Variants in CREB3L2 observed in about 807,000 individuals in gnomAD.
CREB3L2 encodes the protein cyclic AMP-responsive element-binding protein 3-like protein 2.
CREB3L2 carries 23 observed loss-of-function variants against 57.2 expected under a neutral mutation model. The observed-to-expected ratio is 0.40, with a 90% CI of 0.29 to 0.57. The LOEUF is 0.57. Among genes scored for constraint, CREB3L2 ranks in the 20% least tolerant of loss-of-function variants. The probability of loss-of-function intolerance (pLI) is 0.42; values close to 1 mark genes in which losing one functional copy is unlikely to be tolerated. For missense variants in CREB3L2, 628 were observed against 634.7 expected, an observed-to-expected ratio of 0.99 and a Z score of 0.11; for synonymous variants, 268 against 265.1, an observed-to-expected ratio of 1.01 and a Z score of -0.11.
intron 1 of CREB3L2, among the ~76,000 whole-genome samples, chr7:137,963,425 C>G (rs940984186): frequency 1.3e-5 from 2 of 152,214 alleles, no homozygotes; most frequent in African/African-American, 4.8e-5. Flanking sequence ...GCACCTCGTA[C>G]TTGACTTTGT....
intron 8 of CREB3L2, among the ~76,000 whole-genome samples, chr7:137,890,525 A>C (rs1187249414): frequency 3.3e-5 from 5 of 152,202 alleles, no homozygotes; most frequent in Admixed American, 3.3e-4. Flanking sequence ...TAATCAAGTT[A>C]AGTTCTGAGT....
Position 137,913,515 on chromosome 7 carries a change from A to G in CREB3L2, c.496-437T>C, listed in dbSNP as rs1800060799. 1.4e-4 allele frequency among the ~76,000 whole-genome samples: 21 copies of G among 151,734 alleles called. No individual in the cohort carries two copies. The South Asian group carries it at 4.4e-3, about 32-fold the overall frequency. ...GAGTGAGACCCTATCTCAAAAAAAA[A>G]AAAAAAGAAAAAAGAAAAAAAAAGA... On this transcript the variant is annotated intron_variant, in intron 3 of 11. Coordinates refer to ENST00000330387, the MANE Select transcript of CREB3L2 (RefSeq NM_194071.4).
chr7:137,993,668 G>T (rs925180438), intron 1 of CREB3L2, among the ~76,000 whole-genome samples: 1 of 152,038 alleles, frequency 6.6e-6, no homozygotes, highest in African/African-American at 2.4e-5. Context: ...TACAAGCATG[G>T]GCTACCACGT....
intron 1 of CREB3L2, among the ~76,000 whole-genome samples, chr7:137,947,545 C>T (rs182292897): frequency 5.3e-5 from 8 of 152,172 alleles, no homozygotes; most frequent in Non-Finnish European, 8.8e-5. Context: ...GTCTTGATCC[C>T]GCCATTTGCC....
intron 10 of CREB3L2, among the ~76,000 whole-genome samples, 169 bp from the exon 11 acceptor site, chr7:137,882,797 CG>C (rs1318719161): frequency 6.6e-6 from 1 of 152,146 alleles, no homozygotes; most frequent in Non-Finnish European, 1.5e-5. Flanking sequence ...TTTAGAGCTT[CG>C]GAGTTTGTGC....
chr7:137,906,107 G>A (rs577555595), intron 5 of CREB3L2, among the ~76,000 whole-genome samples: 2 of 152,202 alleles, frequency 1.3e-5, no homozygotes, highest in Non-Finnish European at 2.9e-5. Context: ...ATTATTTCCC[G>A]GGAAGCACCC....
In CREB3L2 at chr7:137,982,746, A is replaced by G. The variant is rs1335317528; in HGVS notation, c.102+18858T>C. On this transcript the variant is annotated intron_variant, in intron 1 of 11. Transcript: ENST00000330387. ...GTATGTCTTTATCAGCAGCATGAGA[A>G]CGGACTAATACACCTGCAAATTCAT... is the stretch of plus-strand genomic sequence containing the variant. Among the ~76,000 whole-genome samples the G allele has an allele frequency of 2.6e-5, 4 of 152,266 alleles. No individual in the cohort carries two copies. The East Asian group carries it at 7.7e-4, about 29-fold the overall frequency.
rs115797056 is a variant in CREB3L2, at chr7:137,908,389, C to T, written c.631G>A (p.Gly211Ser). Residue 211 changes from glycine (G) to serine (S), a missense_variant, in exon 5 of 12, where the codon GGC becomes AGC. Physicochemically the swap from Gly to Ser is moderately conservative, Grantham distance 56. Around this residue, in one of 3 missense-constraint regions of CREB3L2, gnomAD observed 339 missense variants for 355.4 expected, o/e 0.95. Coordinates refer to ENST00000330387, the MANE Select transcript of CREB3L2 (RefSeq NM_194071.4). The part of the protein sequence containing the change: ...HLPPTPPSSH[G>S]SDSEGSLSPN... ...CTCAGGCTGCCCTCTGAGTCACTGC[C>T]GTGACTGCTCGGAGGGGTGGGCGGC... 9.7e-5 allele frequency: 123 copies of T among 1,261,664 alleles called. No homozygotes were observed. The highest frequency in any genetic ancestry group is 1.1e-4 in the Non-Finnish European group (114 of 995,196). The allele number at this position is 1,261,664 out of a possible 1,614,324, so 78.2% of individuals were successfully genotyped here.
intron 6 of CREB3L2, among the ~76,000 whole-genome samples, chr7:137,905,184 T>C (rs1392357538): frequency 6.6e-6 from 1 of 150,406 alleles, no homozygotes; most frequent in East Asian, 2.0e-4. Flanking sequence ...TGAGTCCAAA[T>C]ATAGACCAGC....
intron 8 of CREB3L2, 120 bp from the exon 9 acceptor site, chr7:137,885,622 G>T: frequency 1.4e-6 from 1 of 736,760 alleles, no homozygotes; most frequent in South Asian, 1.5e-5. Context: ...AGAGCCCCAA[G>T]GGACAGTTTC....
At chr7:137,952,636 T>C (rs1470300495) in intron 1 of CREB3L2, among the ~76,000 whole-genome samples, 2 of 152,154 alleles carry the variant, frequency 1.3e-5, no homozygotes, top group South Asian at 2.1e-4. Context: ...ACAGCCACCC[T>C]ACCTACCCCA....
intron 1 of CREB3L2, among the ~76,000 whole-genome samples, chr7:137,964,044 G>A (rs547332313): frequency 6.6e-5 from 10 of 152,350 alleles, no homozygotes; most frequent in African/African-American, 2.4e-4. Context: ...GCCAGGCGCG[G>A]TGGCTCACGC....
intron 8 of CREB3L2, among the ~76,000 whole-genome samples, chr7:137,893,962 C>T (rs1265910404): frequency 6.6e-6 from 1 of 152,192 alleles, no homozygotes; most frequent in Non-Finnish European, 1.5e-5. Context: ...CCCAGGGCTG[C>T]TTGCCAAAAT....
chr7:137,912,679 G>A (rs2117214897), intron 4 of CREB3L2: 2 of 649,014 alleles, frequency 3.1e-6, no homozygotes, highest in African/African-American at 1.8e-5. Context: ...AATAAGGGCT[G>A]CAGTTCTCTT....
chr7:137,977,789 C>T (rs1430508533), intron 1 of CREB3L2, among the ~76,000 whole-genome samples: 4 of 152,016 alleles, frequency 2.6e-5, no homozygotes, highest in South Asian at 2.1e-4. Flanking sequence ...AGTGTGGTGG[C>T]GCACACCTGT....
chr7:137,886,125 A>G (rs1218538829), intron 8 of CREB3L2, among the ~76,000 whole-genome samples: 1 of 152,234 alleles, frequency 6.6e-6, no homozygotes, highest in African/African-American at 2.4e-5. Context: ...CAGAACTGTA[A>G]GAGATCAATT....
In CREB3L2 at chr7:137,922,412, ATATG is replaced by A. The variant is rs1218981670; in HGVS notation, c.319+5734_319+5737del. On this transcript the variant is annotated intron_variant, in intron 2 of 11. Coordinates refer to ENST00000330387, the MANE Select transcript of CREB3L2 (RefSeq NM_194071.4). ...TATATATATATATATATATATATAT[ATATG>A]TATATATATATATATATATACGTAT... is the stretch of plus-strand genomic sequence containing the variant. 0.014 allele frequency among the ~76,000 whole-genome samples: 415 copies of A among 29,434 alleles called. 17 individuals are homozygous for A. In the East Asian group the frequency reaches 0.15, roughly 11 times the overall value. 19.3% of individuals were successfully genotyped at this position (29,434 alleles called of 152,430 possible).
chr7:137,993,692 T>C (rs1801938899), intron 1 of CREB3L2, among the ~76,000 whole-genome samples: 1 of 152,120 alleles, frequency 6.6e-6, no homozygotes, highest in South Asian at 2.1e-4. Context: ...GCCCAGAGTT[T>C]TAAAAATATA....
Position 137,878,493 on chromosome 7 carries a change from G to A in CREB3L2, c.*1983C>T, listed in dbSNP as rs1799207586. ...CCCATGGTTACCAGACACCAGCCAG[G>A]CCCAACAGGATCTGGGCTGCAGACA... On this transcript the variant is annotated 3_prime_UTR_variant, in exon 12 of 12. Transcript: ENST00000330387. 3 of 233,420 alleles carry A rather than the reference G, an allele frequency of 1.3e-5. No individual in the cohort carries two copies. The highest frequency in any genetic ancestry group is 1.2e-4 in the East Asian group (2 of 16,560). The allele number at this position is 233,420 out of a possible 1,614,324, so 14.5% of individuals were successfully genotyped here.
Sources: allele counts gnomAD v4.1 joint callset (sites outside exome capture counted in the v4.1 genomes callset), GRCh38; gene constraint gnomAD v4.1.1; regional missense constraint gnomAD v4.1.1; transcripts MANE v1.5; gene names NCBI Gene and HGNC (gene_info 2026-07-23, HGNC 2026-07-21).